RBFOX1: variants seen among roughly 807,000 people sequenced by gnomAD.
RBFOX1 encodes RNA binding protein fox-1 homolog 1.
In RBFOX1, 8 loss-of-function variants were observed where a neutral mutation model predicts 57.7. The observed-to-expected ratio is 0.14, with a 90% confidence interval of 0.08 to 0.25. RBFOX1 has a LOEUF of 0.25. Among genes scored for constraint, RBFOX1 ranks in the 10% least tolerant of loss-of-function variants. The pLI, the probability that RBFOX1 is intolerant of heterozygous loss-of-function variation, is 1.00. For synonymous variants in RBFOX1, 326 were observed against 222.4 expected (o/e 1.47, Z -4.15); for missense variants, 611 against 548.5 (o/e 1.11, Z -1.14).
intron 4 of RBFOX1, among the ~76,000 whole-genome samples, chr16:7,432,021 C>T (rs1325357111): frequency 6.6e-6 from 1 of 152,216 alleles, no homozygotes; most frequent in Non-Finnish European, 1.5e-5. Flanking sequence ...CCGCTCCTTC[C>T]ACTTGCTTTC....
At chr16:5,635,779 C>G (rs527557489) in intron 3 of RBFOX1, among the ~76,000 whole-genome samples, 2 of 150,990 alleles carry the variant, frequency 1.3e-5, no homozygotes, top group East Asian at 3.9e-4. Flanking sequence ...GAGCAGGACT[C>G]AGATCCTGTT....
At chr16:7,572,063 G>T (rs1602156282) in intron 5 of RBFOX1, among the ~76,000 whole-genome samples, 1 of 152,124 alleles carries the variant, frequency 6.6e-6, no homozygotes, top group Non-Finnish European at 1.5e-5. Context: ...GCAGACGGAG[G>T]TTGCAGTGAA....
intron 1 of RBFOX1, among the ~76,000 whole-genome samples, chr16:6,160,089 G>A (rs2096867081): frequency 6.6e-6 from 1 of 152,098 alleles, no homozygotes; most frequent in Non-Finnish European, 1.5e-5. Flanking sequence ...ACAAAAAAAT[G>A]CCAGGCCAGT....
chr16:7,350,904 C>T lies in RBFOX1; in HGVS notation c.28-167243C>T, dbSNP rs538281971. The stretch of plus-strand genomic sequence containing the variant: ...AGTATGTGTGTTTAATTGTTAATGA[C>T]CCAAGAATGCATCCAAAGGGGTTAC... On this transcript the variant is annotated intron_variant, in intron 4 of 15. Coordinates refer to ENST00000550418, the MANE Select transcript of RBFOX1 (RefSeq NM_018723.4). Among the ~76,000 whole-genome samples the T allele has an allele frequency of 1.2e-4, 19 of 152,226 alleles. No individual in the cohort carries two copies. The South Asian group carries it at 3.9e-3, about 32-fold the overall frequency.
chr16:5,319,837 ACTACATCATG>A (rs2064352991), intron 1 of RBFOX1, among the ~76,000 whole-genome samples: 1 of 152,170 alleles, frequency 6.6e-6, no homozygotes, highest in Non-Finnish European at 1.5e-5. Flanking sequence ...CAACTCTGTG[ACTACATCATG>A]CTCTGGGTCC....
At chr16:6,209,788 C>T (rs1409890329) in intron 1 of RBFOX1, among the ~76,000 whole-genome samples, 1 of 152,106 alleles carries the variant, frequency 6.6e-6, no homozygotes, top group Non-Finnish European at 1.5e-5. Context: ...CAGGTTCTTC[C>T]AGCCTGAGAG....
At chr16:5,943,404 G>A (rs2059322119) in intron 4 of RBFOX1, among the ~76,000 whole-genome samples, 1 of 152,186 alleles carries the variant, frequency 6.6e-6, no homozygotes, top group South Asian at 2.1e-4. Context: ...ACATACCCAG[G>A]TGCTCGTTTA....
At chr16:6,937,311 C>A (rs1057007735) in intron 3 of RBFOX1, among the ~76,000 whole-genome samples, 8 of 152,124 alleles carry the variant, frequency 5.3e-5, no homozygotes, top group African/African-American at 9.7e-5. Flanking sequence ...ATTCCCACAT[C>A]CCCCGAACAA....
chr16:6,236,342 C>G (rs920629060), intron 1 of RBFOX1, among the ~76,000 whole-genome samples: 2 of 152,106 alleles, frequency 1.3e-5, no homozygotes, highest in African/African-American at 2.4e-5. Flanking sequence ...AACTCATAAT[C>G]TGTGGAAATC....
At chr16:7,217,840 C>G (rs983132451) in intron 4 of RBFOX1, among the ~76,000 whole-genome samples, 1 of 152,156 alleles carries the variant, frequency 6.6e-6, no homozygotes, top group African/African-American at 2.4e-5. Flanking sequence ...TGTCACTACT[C>G]ACTGCATGTG....
chr16:6,956,702 C>G (rs1199374491), intron 3 of RBFOX1, among the ~76,000 whole-genome samples: 1 of 152,144 alleles, frequency 6.6e-6, no homozygotes, highest in Non-Finnish European at 1.5e-5. Flanking sequence ...ATTTGCTCTG[C>G]TTAATGCCTT....
chr16:6,966,789 ATCTG>A lies in RBFOX1; in HGVS notation c.-15-85240_-15-85237del, dbSNP rs796374772. On this transcript the variant is annotated intron_variant, in intron 3 of 15. Transcript: ENST00000550418. ...TATCTATCTATCTATCTATCTATCT[ATCTG>A]TCTGTCTGTCTGTCTGTCTGTCTGT... Among the ~76,000 whole-genome samples the A allele has an allele frequency of 3.2e-3, 414 of 127,916 alleles. 3 individuals are homozygous for A. Among genetic ancestry groups the A allele is most frequent in the East Asian group, 0.018 (76 of 4,254 alleles). The allele number at this position is 127,916 out of a possible 152,430, so 83.9% of individuals were successfully genotyped here.
intron 3 of RBFOX1, among the ~76,000 whole-genome samples, chr16:6,962,100 A>T (rs182589215): frequency 6.6e-6 from 1 of 152,320 alleles, no homozygotes; most frequent in African/African-American, 2.4e-5. Flanking sequence ...AAATCCAAAA[A>T]TCAGGCTGTA....
intron 7 of RBFOX1, among the ~76,000 whole-genome samples, chr16:7,588,754 C>T (rs916524964): frequency 1.3e-5 from 2 of 152,150 alleles, no homozygotes; most frequent in Non-Finnish European, 2.9e-5. Flanking sequence ...CATCTTTCCC[C>T]CATAAAACAA....
chr16:6,314,082 A>T (rs1400316466), intron 1 of RBFOX1, among the ~76,000 whole-genome samples: 1 of 152,152 alleles, frequency 6.6e-6, no homozygotes, highest in Non-Finnish European at 1.5e-5. Context: ...ACTCAGATGG[A>T]CATGAAATTC....
intron 3 of RBFOX1, 25 bp downstream of exon 3, chr16:6,654,675 G>A (rs905612264): frequency 2.7e-6 from 4 of 1,493,530 alleles, no homozygotes; most frequent in South Asian, 2.6e-5. Context: ...TTCATTTTTA[G>A]GGTTGCAAAC....
chr16:6,556,178 C>A (rs903040023), intron 2 of RBFOX1, among the ~76,000 whole-genome samples: 5 of 152,118 alleles, frequency 3.3e-5, no homozygotes, highest in African/African-American at 1.2e-4. Context: ...TAAACGTGGG[C>A]GGCATTGACT....
intron 2 of RBFOX1, among the ~76,000 whole-genome samples, chr16:6,514,857 A>G (rs370788537): frequency 6.6e-6 from 1 of 152,102 alleles, no homozygotes; most frequent in East Asian, 1.9e-4. Context: ...GTTTCCAATA[A>G]TAATGATAAT....
chr16:6,883,211 C>G (rs1447235947), intron 3 of RBFOX1, among the ~76,000 whole-genome samples: 2 of 152,200 alleles, frequency 1.3e-5, no homozygotes, highest in African/African-American at 4.8e-5. Flanking sequence ...AAAGAAAGTA[C>G]TTAGCTTAGA....
Sources: allele counts gnomAD v4.1 joint callset (sites outside exome capture counted in the v4.1 genomes callset), GRCh38; gene constraint gnomAD v4.1.1; transcripts MANE v1.5; gene names NCBI Gene and HGNC (gene_info 2026-07-23, HGNC 2026-07-21).